DPP10: variants seen among roughly 807,000 people sequenced by gnomAD.
The protein encoded by DPP10 is inactive dipeptidyl peptidase 10.
In DPP10, 33 loss-of-function variants were observed where a neutral mutation model predicts 120.9. The observed-to-expected ratio is 0.27, with a 90% confidence interval of 0.21 to 0.37. The LOEUF is 0.37. DPP10 is among the 10% of genes least tolerant of loss of function. The probability of loss-of-function intolerance (pLI) is 1.00; values close to 1 mark genes in which losing one functional copy is unlikely to be tolerated. For synonymous variants in DPP10, 337 were observed against 326.1 expected, an observed-to-expected ratio of 1.03 and a Z score of -0.36; for missense variants, 816 against 942.8, an observed-to-expected ratio of 0.87 and a Z score of 1.76.
chr2:114,461,648 G>A (rs1678923705), intron 1 of DPP10: 1 of 985,444 alleles, frequency 1.0e-6, no homozygotes, highest in South Asian at 4.7e-5. Context: ...TTTTGCTGGT[G>A]TAGAGGGCCT....
chr2:115,056,766 A>T (rs1705954703), intron 1 of DPP10, among the ~76,000 whole-genome samples: 1 of 152,242 alleles, frequency 6.6e-6, no homozygotes, highest in Non-Finnish European at 1.5e-5. Flanking sequence ...TCCAAGACAG[A>T]AGATGTGAGT....
chr2:114,639,481 G>T (rs6542218), intron 1 of DPP10, among the ~76,000 whole-genome samples: 4,967 of 151,858 alleles, frequency 0.033, 101 homozygotes, highest in Middle Eastern at 0.048. Flanking sequence ...GGGAACAATA[G>T]ACATTAGAGA....
chr2:115,827,181 G>A (rs1688398453), intron 21 of DPP10, among the ~76,000 whole-genome samples: 1 of 151,252 alleles, frequency 6.6e-6, no homozygotes, highest in South Asian at 2.1e-4. Context: ...GGCTTATAAT[G>A]TATATTTTTA....
At chr2:115,764,621 G>A (rs1446446532) in intron 12 of DPP10, among the ~76,000 whole-genome samples, 1 of 151,956 alleles carries the variant, frequency 6.6e-6, no homozygotes, top group Non-Finnish European at 1.5e-5. Context: ...CATAATGCAT[G>A]TTCTTTTGAG....
chr2:114,450,827 G>T (rs1435166597), intron 1 of DPP10, among the ~76,000 whole-genome samples: 9 of 152,014 alleles, frequency 5.9e-5, no homozygotes, highest in Admixed American at 5.9e-4. Flanking sequence ...TTTGGAGCTT[G>T]CATTAGTATA....
intron 3 of DPP10, among the ~76,000 whole-genome samples, chr2:115,485,853 A>G (rs2075746610): frequency 6.6e-6 from 1 of 152,040 alleles, no homozygotes; most frequent in South Asian, 2.1e-4. Flanking sequence ...TTCTTTGTAT[A>G]TTTCAGTTAT....
intron 1 of DPP10, among the ~76,000 whole-genome samples, chr2:115,166,093 T>A (rs2052817330): frequency 6.6e-6 from 1 of 152,226 alleles, no homozygotes. Context: ...TAAAATGTTT[T>A]AATACAGAAA....
chr2:115,676,823 G>A (rs575060523), intron 5 of DPP10, among the ~76,000 whole-genome samples: 1 of 152,286 alleles, frequency 6.6e-6, no homozygotes, highest in South Asian at 2.1e-4. Context: ...TGTGTGGCAT[G>A]CAGATAACAA....
chr2:115,092,806 GTGA>G lies in DPP10; in HGVS notation c.61-216429_61-216427del, dbSNP rs1221437895. Among the ~76,000 whole-genome samples, 12 of 152,170 alleles carry G rather than the reference GTGA, an allele frequency of 7.9e-5. No individual in the cohort carries two copies. The East Asian group carries it at 2.3e-3, about 29-fold the overall frequency. On this transcript the variant is annotated intron_variant, in intron 1 of 25. Transcript: ENST00000410059. Reference sequence around the variant, plus strand: ...AAGAGAAAAGCAAATACAATAATAAGTGATGAAGTATTATAACTCATAATGTGC... The same window carrying G: ...AAGAGAAAAGCAAATACAATAATAAGTGAAGTATTATAACTCATAATGTGC...
chr2:114,763,543 G>T (rs1249262513), intron 1 of DPP10, among the ~76,000 whole-genome samples: 1 of 152,064 alleles, frequency 6.6e-6, no homozygotes, highest in Non-Finnish European at 1.5e-5. Context: ...GATGTACAAA[G>T]TAAATCTTTG....
At chr2:115,064,565 C>G in intron 1 of DPP10, 1 of 1,028,804 alleles carries the variant, frequency 9.7e-7, no homozygotes, top group Non-Finnish European at 1.3e-6. Context: ...CACCACCCAC[C>G]CCTACACACA....
At chr2:115,038,364 G>T (rs186119565) in intron 1 of DPP10, among the ~76,000 whole-genome samples, 112 of 151,986 alleles carry the variant, frequency 7.4e-4, no homozygotes, top group African/African-American at 2.1e-3. Context: ...TCCGCCTCCC[G>T]GGTTCACGCC....
intron 1 of DPP10, chr2:115,161,823 T>TCCCCCCCCCCCCC: frequency 3.2e-6 from 1 of 310,240 alleles, no homozygotes. Context: ...TCCCCGCCCC[T>TCCCCCCCCCCCCC]CCGCTCCCCC....
At chr2:115,536,119 CA>C (rs1177901034) in intron 5 of DPP10, among the ~76,000 whole-genome samples, 1 of 151,832 alleles carries the variant, frequency 6.6e-6, no homozygotes, top group Admixed American at 6.6e-5. Flanking sequence ...AATACACACA[CA>C]AAAAAAGAAG....
At chr2:114,714,193 A>G (rs1307659383) in intron 1 of DPP10, among the ~76,000 whole-genome samples, 1 of 151,842 alleles carries the variant, frequency 6.6e-6, no homozygotes, top group Non-Finnish European at 1.5e-5. Context: ...GGAGTTTCCT[A>G]AAGTCATGAA....
Position 114,737,029 on chromosome 2 carries a change from G to A in DPP10, c.60+294191G>A, listed in dbSNP as rs114012395. 8.4e-3 allele frequency among the ~76,000 whole-genome samples: 1,279 copies of A among 152,220 alleles called. 14 individuals carry two copies. The highest frequency in any genetic ancestry group is 0.03 in the African/African-American group (1,228 of 41,522). On this transcript the variant is annotated intron_variant, in intron 1 of 25. Coordinates refer to ENST00000410059, the MANE Select transcript of DPP10 (RefSeq NM_020868.6). ...TGTTGCCATCTACGGTATTATCCAA[G>A]ACAATAGACACTAAATTAAAACGAA...
At chr2:114,610,608 C>T (rs931470134) in intron 1 of DPP10, among the ~76,000 whole-genome samples, 4 of 152,064 alleles carry the variant, frequency 2.6e-5, no homozygotes, top group Non-Finnish European at 1.5e-5. Context: ...AAGAACTGTA[C>T]TGGGGAATAG....
At chr2:115,226,942 CAA>C (rs2057463661) in intron 1 of DPP10, among the ~76,000 whole-genome samples, 1 of 152,028 alleles carries the variant, frequency 6.6e-6, no homozygotes, top group Non-Finnish European at 1.5e-5. Context: ...TCAAGTAAAA[CAA>C]AACAAAACAC....
intron 19 of DPP10, among the ~76,000 whole-genome samples, chr2:115,806,352 C>T (rs988717834): frequency 2.0e-5 from 3 of 152,108 alleles, no homozygotes; most frequent in Non-Finnish European, 2.9e-5. Flanking sequence ...CGCTATATGT[C>T]GGTTTACTAA....
Sources: gnomAD v4.1 joint callset for allele counts (sites outside exome capture counted in the v4.1 genomes callset) on GRCh38, gnomAD v4.1.1 for gene constraint, MANE v1.5 for transcripts, NCBI Gene and HGNC (gene_info 2026-07-23, HGNC 2026-07-21) for gene names.